The following CNTNAP2 variants were observed in gnomAD, a reference collection of about 807,000 sequenced individuals.
CNTNAP2 encodes the protein contactin associated protein 2.
In CNTNAP2, 98 loss-of-function variants were observed where a neutral mutation model predicts 155.2. The ratio of observed to expected loss-of-function variants is 0.63; its 90% CI spans 0.54 to 0.75. The LOEUF (loss-of-function observed/expected upper bound fraction) is 0.75, where lower values mean the gene tolerates loss of function less well. Ranked by LOEUF, CNTNAP2 falls within the 30% of genes least tolerant of loss-of-function variation. The pLI is 0.00. For synonymous variants in CNTNAP2, 651 were observed against 631.2 expected, an observed-to-expected ratio of 1.03 and a Z score of -0.47; for missense variants, 1,727 against 1,688.1, an observed-to-expected ratio of 1.02 and a Z score of -0.40.
intron 13 of CNTNAP2, among the ~76,000 whole-genome samples, chr7:147,800,173 G>A (rs1407685854): frequency 1.3e-5 from 2 of 152,150 alleles, no homozygotes; most frequent in African/African-American, 4.8e-5. Flanking sequence ...ACTCCCAAGT[G>A]TCAGATTCAA....
intron 14 of CNTNAP2, among the ~76,000 whole-genome samples, chr7:147,939,266 C>A (rs1014624240): frequency 1.3e-5 from 2 of 151,966 alleles, no homozygotes; most frequent in Non-Finnish European, 2.9e-5. Flanking sequence ...CATTTTAAAT[C>A]TATGAGGTAA....
intron 12 of CNTNAP2, among the ~76,000 whole-genome samples, chr7:147,599,346 T>A (rs1335340966): frequency 1.3e-5 from 2 of 151,286 alleles, no homozygotes; most frequent in South Asian, 2.1e-4. Context: ...AAAAAAAAAA[T>A]TAGCCGGCAT....
intron 1 of CNTNAP2, among the ~76,000 whole-genome samples, chr7:146,576,689 C>G (rs1411647309): frequency 6.6e-6 from 1 of 152,170 alleles, no homozygotes; most frequent in Non-Finnish European, 1.5e-5. Flanking sequence ...TCCTACATTT[C>G]TGTTGAGGGA....
At chr7:147,288,049 C>T (rs537146455) in intron 8 of CNTNAP2, among the ~76,000 whole-genome samples, 52 of 152,228 alleles carry the variant, frequency 3.4e-4, no homozygotes, top group African/African-American at 1.2e-3. Flanking sequence ...ACTCTGGTCC[C>T]TTTGGTCTGG....
intron 12 of CNTNAP2, among the ~76,000 whole-genome samples, chr7:147,600,623 T>C (rs1186672432): frequency 6.6e-6 from 1 of 152,234 alleles, no homozygotes; most frequent in Non-Finnish European, 1.5e-5. Context: ...TTCTGATTTC[T>C]GCCAAGTCTT....
At chr7:146,381,626 A>T (rs1795390682) in intron 1 of CNTNAP2, among the ~76,000 whole-genome samples, 1 of 152,190 alleles carries the variant, frequency 6.6e-6, no homozygotes, top group African/African-American at 2.4e-5. Context: ...ACAGAGAAGG[A>T]TTAGACATCG....
At chr7:147,201,277 T>C (rs894155941) in intron 8 of CNTNAP2, among the ~76,000 whole-genome samples, 8 of 152,228 alleles carry the variant, frequency 5.3e-5, no homozygotes, top group Non-Finnish European at 7.3e-5. Context: ...TTTGAATTCC[T>C]TCAGGGATCT....
intron 1 of CNTNAP2, among the ~76,000 whole-genome samples, chr7:146,677,524 C>G (rs919523164): frequency 7.9e-5 from 12 of 152,100 alleles, no homozygotes; most frequent in African/African-American, 2.9e-4. Flanking sequence ...ATTCAGATGA[C>G]TGGGGGCCTT....
At chr7:146,339,046 G>C (rs1221726296) in intron 1 of CNTNAP2, among the ~76,000 whole-genome samples, 1 of 151,986 alleles carries the variant, frequency 6.6e-6, no homozygotes. Context: ...TTAGCTGGGC[G>C]TGGTGGCAGG....
chr7:146,940,940 A>G (rs751364994), intron 3 of CNTNAP2, among the ~76,000 whole-genome samples: 2 of 151,962 alleles, frequency 1.3e-5, no homozygotes, highest in Non-Finnish European at 2.9e-5. Context: ...ACAGCTTTTG[A>G]CTTAAATTGT....
chr7:148,398,791 G>A (rs1799525016), intron 22 of CNTNAP2, among the ~76,000 whole-genome samples: 1 of 152,182 alleles, frequency 6.6e-6, no homozygotes, highest in African/African-American at 2.4e-5. Context: ...GAAGTCTGAA[G>A]ACAATAGATC....
chr7:147,219,745 T>C (rs1584799621), intron 8 of CNTNAP2, among the ~76,000 whole-genome samples: 4 of 152,136 alleles, frequency 2.6e-5, no homozygotes. Flanking sequence ...ATGGCATTAA[T>C]CCACTCATGA....
chr7:147,816,887 G>T (rs961859434), intron 13 of CNTNAP2, among the ~76,000 whole-genome samples: 1 of 152,032 alleles, frequency 6.6e-6, no homozygotes, highest in African/African-American at 2.4e-5. Context: ...GAGGGACTAG[G>T]TTTTCATTAT....
chr7:146,666,815 A>C (rs1027200414), intron 1 of CNTNAP2, among the ~76,000 whole-genome samples: 9 of 151,946 alleles, frequency 5.9e-5, no homozygotes, highest in African/African-American at 2.2e-4. Flanking sequence ...AGTTCAGATC[A>C]TTTGCCCATT....
intron 13 of CNTNAP2, among the ~76,000 whole-genome samples, chr7:147,657,932 A>G (rs908700680): frequency 3.3e-5 from 5 of 152,172 alleles, no homozygotes; most frequent in African/African-American, 1.2e-4. Context: ...CTGAAATTAT[A>G]TGAGGTGAAG....
intron 1 of CNTNAP2, among the ~76,000 whole-genome samples, chr7:146,405,866 C>T (rs1795783866): frequency 1.3e-5 from 2 of 152,114 alleles, no homozygotes; most frequent in South Asian, 4.1e-4. Flanking sequence ...TACAATCAGA[C>T]TTATGTAAGA....
intron 10 of CNTNAP2, among the ~76,000 whole-genome samples, chr7:147,450,415 C>T (rs1451757835): frequency 1.3e-5 from 2 of 152,128 alleles, no homozygotes; most frequent in African/African-American, 4.8e-5. Flanking sequence ...TCCCCAGTGC[C>T]TTCAAATGAG....
At chr7:146,705,021 G>A (rs191803782) in intron 1 of CNTNAP2, among the ~76,000 whole-genome samples, 7 of 152,140 alleles carry the variant, frequency 4.6e-5, no homozygotes, top group East Asian at 3.9e-4. Flanking sequence ...TGAGAGAAGC[G>A]GCCTCTTTGC....
At chr7:147,873,965 C>T (rs1400562056) in intron 13 of CNTNAP2, among the ~76,000 whole-genome samples, 1 of 152,150 alleles carries the variant, frequency 6.6e-6, no homozygotes. Context: ...CTTAAAGTTC[C>T]AAAATGATCT....
Sources: gnomAD v4.1 joint callset for allele counts (sites outside exome capture counted in the v4.1 genomes callset) on GRCh38, gnomAD v4.1.1 for gene constraint, MANE v1.5 for transcripts, NCBI Gene and HGNC (gene_info 2026-07-23, HGNC 2026-07-21) for gene names.